Variants in TTC28 observed in about 807,000 individuals in gnomAD.
TTC28 encodes the protein tetratricopeptide repeat domain 28.
TTC28 carries 61 observed loss-of-function variants against 198.0 expected under a neutral mutation model. The ratio of observed to expected loss-of-function variants is 0.31; its 90% CI spans 0.25 to 0.38. The LOEUF is 0.38. Ranked by LOEUF, TTC28 falls within the 10% of genes least tolerant of loss-of-function variation. The pLI is 1.00. For synonymous variants in TTC28, 1,171 were observed against 1,297.8 expected, an observed-to-expected ratio of 0.90 and a Z score of 2.10; for missense variants, 2,678 against 3,164.0, an observed-to-expected ratio of 0.85 and a Z score of 3.69.
At chr22:27,991,284 CA>C (rs1350408024) in intron 19 of TTC28, among the ~76,000 whole-genome samples, 4 of 152,244 alleles carry the variant, frequency 2.6e-5, no homozygotes, top group African/African-American at 2.4e-5. Context: ...GGCCTCTCAG[CA>C]CAGCCTTGCA....
At chr22:28,417,300 T>TAAAA (rs68164494) in intron 2 of TTC28, among the ~76,000 whole-genome samples, 2 of 44,648 alleles carry the variant, frequency 4.5e-5, no homozygotes, top group Admixed American at 2.9e-4. Flanking sequence ...CTGTCTCTAC[T>TAAAA]AAAAAAAAAA....
At chr22:28,023,395 C>T (rs763831897) in intron 13 of TTC28, among the ~76,000 whole-genome samples, 1 of 152,188 alleles carries the variant, frequency 6.6e-6, no homozygotes, top group African/African-American at 2.4e-5. Context: ...TCCTGCTGAC[C>T]CCATTCAGAG....
intron 3 of TTC28, among the ~76,000 whole-genome samples, chr22:28,306,211 C>G (rs2045142382): frequency 6.6e-6 from 1 of 152,006 alleles, no homozygotes; most frequent in Non-Finnish European, 1.5e-5. Flanking sequence ...TCCCGAAAGC[C>G]AAAGAAGTTG....
At chr22:28,645,214 A>T (rs942887330) in intron 1 of TTC28, among the ~76,000 whole-genome samples, 1 of 152,176 alleles carries the variant, frequency 6.6e-6, no homozygotes, top group Non-Finnish European at 1.5e-5. Flanking sequence ...AATTGTAATA[A>T]TAATAATGCT....
At chr22:28,193,704 T>A (rs1190556035) in intron 5 of TTC28, among the ~76,000 whole-genome samples, 2 of 152,120 alleles carry the variant, frequency 1.3e-5, no homozygotes, top group African/African-American at 4.8e-5. Context: ...CATTACATAA[T>A]GTTAAAGGGA....
intron 1 of TTC28, among the ~76,000 whole-genome samples, chr22:28,641,559 C>T (rs972612104): frequency 2.6e-4 from 39 of 151,998 alleles, no homozygotes; most frequent in African/African-American, 8.9e-4. Flanking sequence ...CTTTTGAGAG[C>T]GAGGAAAATG....
At chr22:28,584,988 A>G (rs1384357040) in intron 2 of TTC28, among the ~76,000 whole-genome samples, 1 of 152,178 alleles carries the variant, frequency 6.6e-6, no homozygotes, top group Admixed American at 6.5e-5. Flanking sequence ...CTATTCTTTT[A>G]AGAAGTCTGG....
At chr22:28,441,572 T>C (rs1259392522) in intron 2 of TTC28, among the ~76,000 whole-genome samples, 1 of 152,166 alleles carries the variant, frequency 6.6e-6, no homozygotes, top group Non-Finnish European at 1.5e-5. Flanking sequence ...TGCCATCAAT[T>C]AGATATCAAA....
chr22:28,605,609 G>A (rs990659402), intron 2 of TTC28, among the ~76,000 whole-genome samples: 1 of 152,184 alleles, frequency 6.6e-6, no homozygotes, highest in Admixed American at 6.5e-5. Flanking sequence ...GAAAGGTATA[G>A]AAGTAACTGC....
intron 2 of TTC28, among the ~76,000 whole-genome samples, chr22:28,391,476 C>T (rs565286907): frequency 6.6e-6 from 1 of 152,302 alleles, no homozygotes; most frequent in African/African-American, 2.4e-5. Flanking sequence ...CTTTCAGGTA[C>T]ACCAATCAGA....
intron 5 of TTC28, among the ~76,000 whole-genome samples, chr22:28,222,179 C>A (rs1164535118): frequency 6.6e-6 from 1 of 152,156 alleles, no homozygotes; most frequent in Non-Finnish European, 1.5e-5. Flanking sequence ...ACACAGAGGG[C>A]TGAAAAAACA....
intron 2 of TTC28, among the ~76,000 whole-genome samples, chr22:28,604,297 T>TACATATA (rs1053139903): frequency 8.8e-5 from 10 of 114,128 alleles, no homozygotes; most frequent in African/African-American, 3.5e-4. Flanking sequence ...AAAAAAAAAA[T>TACATATA]TATATATATA....
chr22:28,401,371 T>C (rs148183765), intron 2 of TTC28, among the ~76,000 whole-genome samples: 1,762 of 152,232 alleles, frequency 0.012, 31 homozygotes, highest in African/African-American at 0.04. Flanking sequence ...ATCCCAGCAC[T>C]TTGGGAGACC....
chr22:28,637,015 T>G (rs57756604), intron 1 of TTC28, among the ~76,000 whole-genome samples: 17,362 of 145,764 alleles, frequency 0.12, 1,147 homozygotes, highest in African/African-American at 0.14. Flanking sequence ...TTTTTTTTTT[T>G]TTTTTTTTTT....
At chr22:28,677,191 TATATATATATAC>T (rs1264175994) in intron 1 of TTC28, among the ~76,000 whole-genome samples, 5 of 111,472 alleles carry the variant, frequency 4.5e-5, no homozygotes, top group African/African-American at 1.8e-4. Flanking sequence ...TATATATATA[TATATATATATAC>T]ACACATATAT....
chr22:28,655,834 G>T (rs1457200462), intron 1 of TTC28, among the ~76,000 whole-genome samples: 1 of 148,416 alleles, frequency 6.7e-6, no homozygotes, highest in African/African-American at 2.5e-5. Context: ...CTGGGCGACA[G>T]AGCAAGACTC....
chr22:28,373,527 T>C (rs998264361), intron 2 of TTC28, among the ~76,000 whole-genome samples: 1 of 152,202 alleles, frequency 6.6e-6, no homozygotes, highest in African/African-American at 2.4e-5. Flanking sequence ...CTACCACTGT[T>C]CAACATATGC....
intron 2 of TTC28, among the ~76,000 whole-genome samples, chr22:28,476,435 AGCTCCTAGT>A (rs2048168915): frequency 6.6e-6 from 1 of 152,188 alleles, no homozygotes; most frequent in Non-Finnish European, 1.5e-5. Flanking sequence ...TCTAAAACAT[AGCTCCTAGT>A]GCACTTGTAT....
At chr22:28,389,296 A>C (rs1364294016) in intron 2 of TTC28, among the ~76,000 whole-genome samples, 2 of 152,038 alleles carry the variant, frequency 1.3e-5, no homozygotes, top group Non-Finnish European at 2.9e-5. Context: ...TATTGGTCTA[A>C]AATTCTCCTT....
Sources: allele counts gnomAD v4.1 joint callset (sites outside exome capture counted in the v4.1 genomes callset), GRCh38; gene constraint gnomAD v4.1.1; transcripts MANE v1.5; gene names NCBI Gene and HGNC (gene_info 2026-07-23, HGNC 2026-07-21).